Variants in CCDC73 observed in about 807,000 individuals in gnomAD.
The protein encoded by CCDC73 is coiled-coil domain containing 73.
In CCDC73, 95 loss-of-function variants were observed where a neutral mutation model predicts 116.5. The observed-to-expected ratio is 0.82, with a 90% CI of 0.69 to 0.97. The LOEUF is 0.97. Ranked by LOEUF, CCDC73 falls within the 50% of genes least tolerant of loss-of-function variation. The probability of loss-of-function intolerance (pLI) is 0.00; values close to 1 mark genes in which losing one functional copy is unlikely to be tolerated. For synonymous variants in CCDC73, 398 were observed against 401.3 expected (o/e 0.99, Z 0.10); for missense variants, 1,066 against 1,206.8 (o/e 0.88, Z 1.73).
intron 12 of CCDC73, among the ~76,000 whole-genome samples, chr11:32,642,573 A>C (rs117588759): frequency 5.3e-5 from 8 of 152,124 alleles, no homozygotes; most frequent in Non-Finnish European, 1.0e-4. Context: ...TAACTTAATT[A>C]CTTCATTGAA....
At chr11:32,645,291 C>CTTTTTTTTTTT (rs397689348) in intron 12 of CCDC73, among the ~76,000 whole-genome samples, 1 of 121,084 alleles carries the variant, frequency 8.3e-6, no homozygotes, top group Non-Finnish European at 1.7e-5. Flanking sequence ...TTTTCTTTTT[C>CTTTTTTTTTTT]TTTTTTTTTT....
intron 13 of CCDC73, among the ~76,000 whole-genome samples, chr11:32,641,722 T>TATATAC (rs1855734885): frequency 7.9e-5 from 12 of 150,994 alleles, no homozygotes; most frequent in African/African-American, 2.9e-4. Flanking sequence ...TGTGTATATA[T>TATATAC]ATATATATGC....
chr11:32,607,809 T>C (rs1481771602), intron 17 of CCDC73, among the ~76,000 whole-genome samples: 4 of 74,376 alleles, frequency 5.4e-5, no homozygotes, highest in Admixed American at 2.2e-4. Flanking sequence ...TACTGGAGAC[T>C]GGAAAAAAAA....
intron 9 of CCDC73, among the ~76,000 whole-genome samples, chr11:32,659,262 C>G (rs1855900729): frequency 6.6e-6 from 1 of 151,858 alleles, no homozygotes; most frequent in African/African-American, 2.4e-5. Flanking sequence ...GTGAAGAACC[C>G]AATGTGTGAC....
At chr11:32,774,960 T>C (rs1205143398) in intron 1 of CCDC73, among the ~76,000 whole-genome samples, 1 of 152,232 alleles carries the variant, frequency 6.6e-6, no homozygotes, top group East Asian at 1.9e-4. Context: ...AGGAAGGTTT[T>C]AAGGTGAGTG....
chr11:32,761,341 T>A (rs975483047), intron 1 of CCDC73, among the ~76,000 whole-genome samples: 2 of 152,204 alleles, frequency 1.3e-5, no homozygotes, highest in African/African-American at 4.8e-5. Context: ...ACCCACTGAA[T>A]AACATTTTAG....
intron 14 of CCDC73, among the ~76,000 whole-genome samples, chr11:32,632,034 A>C (rs1855636505): frequency 6.6e-6 from 1 of 152,154 alleles, no homozygotes; most frequent in Non-Finnish European, 1.5e-5. Flanking sequence ...ACATTTGAGA[A>C]TTTTCCAAAT....
At chr11:32,802,412 T>A in the CCDC73 span, among the ~76,000 whole-genome samples, 1 of 152,248 alleles carries the variant, frequency 6.6e-6, no homozygotes, top group African/African-American at 2.4e-5. Context: ...AGAGTCTTCA[T>A]TAGTATCACC....
At chr11:32,751,392 C>G (rs56858571) in intron 2 of CCDC73, among the ~76,000 whole-genome samples, 3,670 of 152,234 alleles carry the variant, frequency 0.024, 132 homozygotes, top group African/African-American at 0.084. Flanking sequence ...GAGACCAGTA[C>G]AGCACTAGGA....
At chr11:32,641,883 T>G in intron 13 of CCDC73, 89 bp downstream of exon 13, 1 of 1,016,940 alleles carries the variant, frequency 9.8e-7, no homozygotes, top group South Asian at 4.2e-5. Flanking sequence ...CCTCTAATAT[T>G]TTTGCAATAT....
At chr11:32,802,111 C>T in the CCDC73 span, among the ~76,000 whole-genome samples, 28 of 152,168 alleles carry the variant, frequency 1.8e-4, no homozygotes, top group African/African-American at 6.0e-4. Context: ...ATTTCAGTCA[C>T]AGTAACAGCC....
chr11:32,726,776 C>G (rs1850033244), intron 2 of CCDC73, among the ~76,000 whole-genome samples: 1 of 151,972 alleles, frequency 6.6e-6, no homozygotes, highest in Admixed American at 6.6e-5. Flanking sequence ...AGCTAGAAAT[C>G]AATTTTTTAA....
At chr11:32,705,448 C>T (rs1849847440) in intron 3 of CCDC73, among the ~76,000 whole-genome samples, 1 of 152,226 alleles carries the variant, frequency 6.6e-6, no homozygotes, top group Non-Finnish European at 1.5e-5. Context: ...GCTCCAGTCA[C>T]AGCCTCACAC....
chr11:32,698,010 AATTTTTTTTTTTT>A (rs371564396), intron 6 of CCDC73, among the ~76,000 whole-genome samples: 29,121 of 117,462 alleles, frequency 0.25, 4,760 homozygotes, highest in East Asian at 0.76. Flanking sequence ...TCTAACACTG[AATTTTTTTTTTTT>A]TTTTTTTTTT....
At chr11:32,610,261 C>G (rs2133216809) in intron 17 of CCDC73, among the ~76,000 whole-genome samples, 1 of 152,270 alleles carries the variant, frequency 6.6e-6, no homozygotes, top group East Asian at 1.9e-4. Flanking sequence ...TCCCATGACA[C>G]ATGGGAACTG....
At position 32,613,631 on chromosome 11, in the gene CCDC73, TCA is replaced by T. The variant is rs1855442994; in HGVS notation, c.2685_2686del (p.Lys897AsnfsTer20). 3 of 1,614,056 alleles carry T rather than the reference TCA, an allele frequency of 1.9e-6. No homozygotes were observed. The highest frequency in any genetic ancestry group is 4.5e-5 in the East Asian group (2 of 44,874). ...AAAATTCATGTATACTGGAGTTTTC[TCA>T]GTTTTTTTATCTGAAGTTGAAAGAT... On this transcript the variant is annotated frameshift_variant, in exon 16 of 18. Coordinates refer to ENST00000335185, the MANE Select transcript of CCDC73 (RefSeq NM_001008391.4). LOFTEE classifies it high-confidence loss of function.
At chr11:32,797,280 C>G (rs1369463446), upstream of CCDC73, among the ~76,000 whole-genome samples, 2 of 152,122 alleles carry the variant, frequency 1.3e-5, no homozygotes, top group African/African-American at 4.8e-5. Context: ...CTACTGCACT[C>G]CAGCCAGGGT....
chr11:32,764,161 A>G (rs538825304), intron 1 of CCDC73, among the ~76,000 whole-genome samples: 78 of 152,372 alleles, frequency 5.1e-4, no homozygotes, highest in Non-Finnish European at 8.1e-4. Flanking sequence ...AGTGACAGGG[A>G]GAATGGAACC....
At chr11:32,825,557 C>T in the CCDC73 span, among the ~76,000 whole-genome samples, 3 of 152,158 alleles carry the variant, frequency 2.0e-5, no homozygotes, top group Non-Finnish European at 2.9e-5. Context: ...CTGCCTCAGC[C>T]TCCCAAAGTG....
Sources: allele counts gnomAD v4.1 joint callset (sites outside exome capture counted in the v4.1 genomes callset), GRCh38; gene constraint gnomAD v4.1.1; transcripts MANE v1.5; gene names NCBI Gene and HGNC (gene_info 2026-07-23, HGNC 2026-07-21).